Variants in TUB observed in about 807,000 individuals in gnomAD.
TUB encodes the protein tubby protein homolog.
In TUB, 33 loss-of-function variants were observed where a neutral mutation model predicts 59.7. The ratio of observed to expected loss-of-function variants is 0.55; its 90% CI spans 0.42 to 0.74. The LOEUF (loss-of-function observed/expected upper bound fraction) is 0.74. Ranked by LOEUF, TUB falls within the 30% of genes least tolerant of loss-of-function variation. The pLI is 0.00. For synonymous variants in TUB, 293 were observed against 256.4 expected, an observed-to-expected ratio of 1.14 and a Z score of -1.36; for missense variants, 659 against 672.0, an observed-to-expected ratio of 0.98 and a Z score of 0.21.
chr11:8,070,818 T>C (rs193135433), intron 2 of TUB, among the ~76,000 whole-genome samples: 57 of 152,306 alleles, frequency 3.7e-4, no homozygotes, highest in Non-Finnish European at 6.6e-4. Context: ...AGAAACTTCA[T>C]TGCTTTGTAG....
chr11:8,031,894 C>T (rs953779632), intron 1 of TUB, among the ~76,000 whole-genome samples: 2 of 151,412 alleles, frequency 1.3e-5, no homozygotes, highest in Admixed American at 6.6e-5. Flanking sequence ...TACTCCCCCG[C>T]CCCCCTCGGG....
intron 2 of TUB, among the ~76,000 whole-genome samples, chr11:8,058,307 G>A (rs756414983): frequency 5.3e-5 from 8 of 151,736 alleles, no homozygotes; most frequent in East Asian, 1.9e-4. Flanking sequence ...TCACCACTTC[G>A]TATTCATTTT....
Position 8,101,856 on chromosome 11 carries a change from G to GATACTGCGA in TUB, c.*237_*238insATACTGCGA. 8 of 482,846 alleles carry GATACTGCGA rather than the reference G, an allele frequency of 1.7e-5. No homozygotes were observed. Among genetic ancestry groups the GATACTGCGA allele is most frequent in the South Asian group, 1.1e-4 (3 of 26,824 alleles). 29.9% of individuals were successfully genotyped at this position (482,846 alleles called of 1,614,324 possible). A position where few individuals can be genotyped will look rare whatever the true frequency, so the allele number is the denominator to read the frequency against. ...AAGGGATGAGAATAATTCTTTCCAT[G>GATACTGCGA]CCACGAGATCAACACACACTCCCAC... On this transcript the variant is annotated 3_prime_UTR_variant, in exon 12 of 12. Coordinates refer to ENST00000299506, the MANE Select transcript of TUB (RefSeq NM_177972.3).
chr11:8,061,222 G>T (rs1943119065), intron 2 of TUB, among the ~76,000 whole-genome samples: 1 of 152,228 alleles, frequency 6.6e-6, no homozygotes, highest in South Asian at 2.1e-4. Context: ...CAGCGACGAT[G>T]CCACCTGTGT....
At chr11:8,082,060 A>C (rs1943578759) in intron 1 of TUB, among the ~76,000 whole-genome samples, 1 of 152,182 alleles carries the variant, frequency 6.6e-6, no homozygotes, top group Admixed American at 6.5e-5. Flanking sequence ...TATTCTACAC[A>C]CAAGAATTCT....
At chr11:8,039,594 T>A (rs1197475306) in intron 1 of TUB, 1 of 1,404,832 alleles carries the variant, frequency 7.1e-7, no homozygotes, top group East Asian at 2.7e-5. Context: ...GCAGGGATGA[T>A]GAGGTGAGGC....
At position 8,094,155 on chromosome 11, in the gene TUB, C is replaced by T. The variant is rs371754344; in HGVS notation, c.363C>T (p.Gly121=). 9.0e-5 allele frequency: 145 copies of T among 1,613,740 alleles called. No homozygotes were observed. The highest frequency in any genetic ancestry group is 2.4e-4 in the South Asian group (22 of 91,052). ...KAAATAGGQG[G]AARKEKKGKH... is the part of the protein sequence containing the mutation. ...CAGCTACAGCAGGGGGCCAGGGTGG[C>T]GCCGCTAGGAAGGAGAAGAAGGGAA... is the stretch of plus-strand genomic sequence containing the variant. The change falls in exon 4 of 12, where the codon GGC becomes GGT. Residue 121 remains glycine, a synonymous_variant. Transcript: ENST00000299506.
rs1054611249 is a variant in TUB, at chr11:8,074,184, C to T, written c.204-15426C>T. 2.0e-5 allele frequency among the ~76,000 whole-genome samples: 3 copies of T among 151,770 alleles called. No homozygotes were observed. In the East Asian group the frequency reaches 5.8e-4, roughly 29 times the overall value. ...ACATTGGGGGTGGGGATGTTGTCTG[C>T]ACTGTTCAGGGATCACTAGGAGGTC... On this transcript the variant is annotated intron_variant, in intron 2 of 12. Coordinates refer to the TUB transcript ENST00000305253.
intron 1 of TUB, among the ~76,000 whole-genome samples, chr11:8,028,076 C>T (rs915811356): frequency 6.6e-5 from 10 of 152,162 alleles, no homozygotes; most frequent in Non-Finnish European, 1.0e-4. Context: ...CAAGGGTTCC[C>T]ATTTCTTCAC....
intron 1 of TUB, among the ~76,000 whole-genome samples, chr11:8,082,146 TCTCA>T (rs372800565): frequency 4.6e-5 from 7 of 152,306 alleles, no homozygotes; most frequent in South Asian, 2.1e-4. Flanking sequence ...GACACCTGCT[TCTCA>T]CTCACAAGTG....
intron 1 of TUB, among the ~76,000 whole-genome samples, chr11:8,022,895 AAAAAC>A (rs372849083): frequency 2.2e-4 from 33 of 152,338 alleles, no homozygotes; most frequent in South Asian, 6.2e-4. Context: ...ACTGTGTCTC[AAAAAC>A]AAAACAAAAC....
At chr11:8,066,234 C>T (rs1943240216) in intron 2 of TUB, among the ~76,000 whole-genome samples, 1 of 152,194 alleles carries the variant, frequency 6.6e-6, no homozygotes, top group Non-Finnish European at 1.5e-5. Context: ...TGCTCAGACG[C>T]TGGACATGAG....
At chr11:8,089,162 C>T (rs1000510999) in intron 1 of TUB, among the ~76,000 whole-genome samples, 4 of 152,160 alleles carry the variant, frequency 2.6e-5, no homozygotes, top group Non-Finnish European at 2.9e-5. Context: ...GACGCAGCCT[C>T]CTCTAGAATG....
rs1189914072 is a variant in TUB at position 8,104,933 on chromosome 11, T to TG, written c.*3314_*3315insG. On this transcript the variant is annotated 3_prime_UTR_variant, in exon 12 of 12. Transcript: ENST00000299506. ...AAAATTCTAGAAGCAGAAGGTTGTT[T>TG]TTTTTTTTTTTTCTCCATTCTGAAA... 5.9e-5 allele frequency: 9 copies of TG among 151,644 alleles called. No homozygotes were observed. The highest frequency in any genetic ancestry group is 1.0e-4 in the Non-Finnish European group (7 of 67,896). The allele number at this position is 151,644 out of a possible 1,614,324, so 9.4% of individuals were successfully genotyped here. A position where few individuals can be genotyped will look rare whatever the true frequency, so the allele number is the denominator to read the frequency against.
chr11:8,053,406 AATTAGTTGGTTGCATCTC>A (rs1203953034), intron 2 of TUB, among the ~76,000 whole-genome samples: 1 of 152,196 alleles, frequency 6.6e-6, no homozygotes, highest in African/African-American at 2.4e-5. Flanking sequence ...AACCTTGCAG[AATTAGTTGGTTGCATCTC>A]ATCTTTTTTT....
chr11:8,097,142 G>A (rs965051897), intron 6 of TUB, 86 bp from the exon 7 acceptor site: 44 of 1,480,448 alleles, frequency 3.0e-5, no homozygotes, highest in South Asian at 2.7e-4. Context: ...CCACCGCCAC[G>A]TTAGGAGGCA....
chr11:8,021,987 G>A (rs1254632744), intron 1 of TUB, among the ~76,000 whole-genome samples: 1 of 151,292 alleles, frequency 6.6e-6, no homozygotes, highest in Non-Finnish European at 1.5e-5. Flanking sequence ...CTGGGTTTCT[G>A]TCTTCAGAAC....
intron 1 of TUB, among the ~76,000 whole-genome samples, chr11:8,032,127 C>A (rs1296823621): frequency 1.3e-5 from 2 of 151,798 alleles, no homozygotes; most frequent in Admixed American, 1.3e-4. Flanking sequence ...GCCGGGAGCG[C>A]CTGGGGAAAG....
At chr11:8,056,692 CTG>C (rs950984516) in intron 2 of TUB, among the ~76,000 whole-genome samples, 1 of 151,944 alleles carries the variant, frequency 6.6e-6, no homozygotes, top group Admixed American at 6.6e-5. Flanking sequence ...GAAAATCTAT[CTG>C]TGGAGTGTCT....
Sources: gnomAD v4.1 joint callset for allele counts (sites outside exome capture counted in the v4.1 genomes callset) on GRCh38, gnomAD v4.1.1 for gene constraint, MANE v1.5 for transcripts, NCBI Gene and HGNC (gene_info 2026-07-23, HGNC 2026-07-21) for gene names.